RSBN1L: variants seen among roughly 807,000 people sequenced by gnomAD.
RSBN1L encodes lysine-specific demethylase RSBN1L.
In RSBN1L, 30 loss-of-function variants were observed where a neutral mutation model predicts 67.7. The ratio of observed to expected loss-of-function variants is 0.44; its 90% CI spans 0.33 to 0.60. RSBN1L has a LOEUF of 0.60. RSBN1L is among the 20% of genes least tolerant of loss of function. The pLI is 0.02. For synonymous variants in RSBN1L, 433 were observed against 387.0 expected, an observed-to-expected ratio of 1.12 and a Z score of -1.39; for missense variants, 992 against 1,031.7, an observed-to-expected ratio of 0.96 and a Z score of 0.53.
In RSBN1L at chr7:77,696,845, C is replaced by G. The variant is rs758209878; in HGVS notation, c.376C>G (p.Arg126Gly). The part of the protein sequence containing the change: ...ASASLSQPVP[R>G]KLLVPPTLLH... ...CGCTTCCTTGTCTCAGCCGGTGCCG[C>G]GCAAACTGCTGGTCCCTCCTACGCT... The change falls in exon 1 of 8, where the codon CGC (arginine) becomes GGC (glycine). Residue 126 changes from arginine (R) to glycine (G), a missense_variant. By Grantham distance (125) the Arg-to-Gly change is moderately radical. This residue lies in a region of RSBN1L where 575 missense variants were observed against 483.2 expected (regional missense o/e 1.19). Coordinates refer to ENST00000334955, the MANE Select transcript of RSBN1L (RefSeq NM_198467.3). 1.9e-5 allele frequency: 30 copies of G among 1,612,890 alleles called. No individual in the cohort carries two copies. The highest frequency in any genetic ancestry group is 2.4e-5 in the Non-Finnish European group (28 of 1,179,946).
chr7:77,755,049 T>A (rs1469080290), intron 3 of RSBN1L, among the ~76,000 whole-genome samples: 1 of 152,208 alleles, frequency 6.6e-6, no homozygotes. Context: ...TGGATCAGCC[T>A]ACATACTGCT....
At chr7:77,713,691 CA>C in intron 1 of RSBN1L, among the ~76,000 whole-genome samples, 1 of 150,662 alleles carries the variant, frequency 6.6e-6, no homozygotes, top group Non-Finnish European at 1.5e-5. Flanking sequence ...AAAATAGAGA[CA>C]CAGTCTTGCT....
At chr7:77,753,085 G>A (rs987530239) in intron 3 of RSBN1L, among the ~76,000 whole-genome samples, 1 of 152,172 alleles carries the variant, frequency 6.6e-6, no homozygotes, top group Non-Finnish European at 1.5e-5. Flanking sequence ...TCCAGTTTGA[G>A]GCTGGTAGAA....
intron 1 of RSBN1L, among the ~76,000 whole-genome samples, chr7:77,707,704 A>C (rs1790913953): frequency 6.6e-6 from 1 of 152,222 alleles, no homozygotes; most frequent in Admixed American, 6.5e-5. Context: ...CAAAATTTGT[A>C]AACTTTGTCA....
chr7:77,753,153 T>C (rs1056863339), intron 3 of RSBN1L, among the ~76,000 whole-genome samples: 2 of 152,242 alleles, frequency 1.3e-5, no homozygotes, highest in African/African-American at 4.8e-5. Flanking sequence ...GTGTTTCTTT[T>C]GAGTATATAC....
chr7:77,756,766 G>A (rs915077592), intron 3 of RSBN1L, among the ~76,000 whole-genome samples: 2 of 152,200 alleles, frequency 1.3e-5, no homozygotes, highest in African/African-American at 4.8e-5. Context: ...ACGACAGAGT[G>A]AGACTCCGTC....
intron 2 of RSBN1L, among the ~76,000 whole-genome samples, chr7:77,738,231 CATA>C (rs1176067760): frequency 3.3e-5 from 5 of 151,878 alleles, no homozygotes; most frequent in African/African-American, 1.2e-4. Flanking sequence ...GGATTCCTAA[CATA>C]ATGTGAATTA....
At chr7:77,702,916 C>T (rs1790837041) in intron 1 of RSBN1L, among the ~76,000 whole-genome samples, 1 of 152,032 alleles carries the variant, frequency 6.6e-6, no homozygotes, top group African/African-American at 2.4e-5. Context: ...GCCCTTTGAC[C>T]TCATTTAATC....
intron 6 of RSBN1L, among the ~76,000 whole-genome samples, chr7:77,774,565 A>G (rs1025981466): frequency 2.0e-5 from 3 of 152,182 alleles, no homozygotes; most frequent in Admixed American, 1.3e-4. Flanking sequence ...CATCTCTACT[A>G]AAAATACACA....
intron 5 of RSBN1L, among the ~76,000 whole-genome samples, chr7:77,769,677 A>G (rs185049747): frequency 9.8e-5 from 15 of 152,340 alleles, no homozygotes; most frequent in African/African-American, 3.6e-4. Context: ...ATGACACACC[A>G]AAGTTAATGT....
At chr7:77,726,173 G>A (rs1392426699) in intron 1 of RSBN1L, among the ~76,000 whole-genome samples, 1 of 152,052 alleles carries the variant, frequency 6.6e-6, no homozygotes, top group African/African-American at 2.4e-5. Flanking sequence ...CATTTTTCTA[G>A]CACGTTTATC....
At chr7:77,725,244 C>CTTTTTTTTTTTTTTT (rs779531960) in intron 1 of RSBN1L, among the ~76,000 whole-genome samples, 2,363 of 73,306 alleles carry the variant, frequency 0.032, 299 homozygotes, top group Middle Eastern at 0.037. Flanking sequence ...AAGCCCCCCA[C>CTTTTTTTTTTTTTTT]TTTTTTTTTT....
chr7:77,731,907 A>G (rs1028347444), intron 1 of RSBN1L, among the ~76,000 whole-genome samples: 6 of 151,700 alleles, frequency 4.0e-5, no homozygotes, highest in Admixed American at 2.6e-4. Context: ...AAAGACTTCT[A>G]TCTCCATCAA....
chr7:77,716,330 T>G (rs1791047904), intron 1 of RSBN1L, among the ~76,000 whole-genome samples: 1 of 152,080 alleles, frequency 6.6e-6, no homozygotes, highest in Non-Finnish European at 1.5e-5. Flanking sequence ...TTGTTTTTGT[T>G]TTTGTTTTTG....
At chr7:77,771,623 C>A (rs1361087203) in intron 5 of RSBN1L, among the ~76,000 whole-genome samples, 1 of 151,264 alleles carries the variant, frequency 6.6e-6, no homozygotes, top group Non-Finnish European at 1.5e-5. Context: ...GATTCTCCTG[C>A]CTCAGCCTCC....
At position 77,749,640 on chromosome 7, in the gene RSBN1L, A is replaced by T; in HGVS notation, c.920A>T (p.Asn307Ile). The T allele has an allele frequency of 6.2e-7, 1 of 1,614,118 alleles. No homozygotes were observed. The highest frequency in any genetic ancestry group is 8.5e-7 in the Non-Finnish European group (1 of 1,180,028). Residue 307 changes from asparagine (N) to isoleucine (I), a missense_variant, in exon 3 of 8, where the codon AAT becomes ATT. By Grantham distance (149) the Asn-to-Ile change is moderately radical. Coordinates refer to ENST00000334955, the MANE Select transcript of RSBN1L (RefSeq NM_198467.3). ...NDNIKDYVGK[N>I]LDTKNYDSKI... is the part of the protein sequence containing the mutation. ...AACATAAAAGATTACGTTGGGAAGAATTTGGATACCAAGAACTATGATTCC... is the reference window on the plus strand; with the variant it reads ...AACATAAAAGATTACGTTGGGAAGATTTTGGATACCAAGAACTATGATTCC...
Position 77,778,817 on chromosome 7 carries a change from A to T in RSBN1L, c.2190A>T (p.Val730=). The change falls in exon 8 of 8, where the codon GTA becomes GTT. Residue 730 remains valine, a synonymous_variant. Coordinates refer to ENST00000334955, the MANE Select transcript of RSBN1L (RefSeq NM_198467.3). The part of the protein sequence containing the change: ...GPHTDNMICA[V]SKASLDSVFS... Reference sequence around the variant, plus strand: ...ACACTGACAACATGATTTGTGCTGTAAGCAAAGCCTCCTTGGATTCTGTTT... The same window carrying T: ...ACACTGACAACATGATTTGTGCTGTTAGCAAAGCCTCCTTGGATTCTGTTT... The T allele has an allele frequency of 6.2e-7, 1 of 1,614,168 alleles. No homozygotes were observed. The highest frequency in any genetic ancestry group is 8.5e-7 in the Non-Finnish European group (1 of 1,180,024).
At chr7:77,741,247 A>C (rs1342592397) in intron 2 of RSBN1L, among the ~76,000 whole-genome samples, 1 of 151,476 alleles carries the variant, frequency 6.6e-6, no homozygotes, top group African/African-American at 2.4e-5. Flanking sequence ...TCAGCCTCCC[A>C]AAGTGCTGGG....
At chr7:77,716,284 T>C (rs1047695820) in intron 1 of RSBN1L, among the ~76,000 whole-genome samples, 1 of 152,056 alleles carries the variant, frequency 6.6e-6, no homozygotes, top group Non-Finnish European at 1.5e-5. Context: ...GGGTCAAGAT[T>C]CCCTTTGTCT....
Sources: allele counts gnomAD v4.1 joint callset (sites outside exome capture counted in the v4.1 genomes callset), GRCh38; gene constraint gnomAD v4.1.1; regional missense constraint gnomAD v4.1.1; transcripts MANE v1.5; gene names NCBI Gene and HGNC (gene_info 2026-07-23, HGNC 2026-07-21).